Variants in SNTG2 observed in about 807,000 individuals in gnomAD.
SNTG2 encodes syntrophin gamma 2.
Under a neutral mutation model 70.9 loss-of-function variants are expected in SNTG2, and 74 were observed. The observed-to-expected ratio is 1.04, with a 90% CI of 0.86 to 1.27. SNTG2 has a LOEUF of 1.27. Ranked by LOEUF, SNTG2 falls within the 50% of genes most tolerant of loss-of-function variation. The probability of loss-of-function intolerance (pLI) is 0.00; values close to 1 mark genes in which losing one functional copy is unlikely to be tolerated. For missense variants in SNTG2, 717 were observed against 690.7 expected, an observed-to-expected ratio of 1.04 and a Z score of -0.43; for synonymous variants, 278 against 273.8, an observed-to-expected ratio of 1.02 and a Z score of -0.15.
chr2:1,352,113 G>A (rs148614428), intron 16 of SNTG2, among the ~76,000 whole-genome samples: 186 of 152,216 alleles, frequency 1.2e-3, no homozygotes, highest in Non-Finnish European at 2.1e-3. Context: ...CACTACACTC[G>A]TGCCTTGGTT....
intron 9 of SNTG2, among the ~76,000 whole-genome samples, chr2:1,216,286 T>G (rs1225355874): frequency 6.6e-6 from 1 of 152,228 alleles, no homozygotes; most frequent in Non-Finnish European, 1.5e-5. Context: ...GGTTTTGATT[T>G]GCATTTCTCT....
chr2:1,111,415 C>G (rs111457586), intron 4 of SNTG2, among the ~76,000 whole-genome samples: 176 of 152,244 alleles, frequency 1.2e-3, no homozygotes, highest in African/African-American at 4.0e-3. Context: ...TTGCAGGGTC[C>G]CTGCTGTTGA....
intron 8 of SNTG2, among the ~76,000 whole-genome samples, chr2:1,180,299 A>G (rs77646145): frequency 7.3e-6 from 1 of 136,504 alleles, no homozygotes; most frequent in Non-Finnish European, 1.6e-5. Flanking sequence ...AATGGGAGAA[A>G]ATTTTTGCAA....
At chr2:971,761 G>A (rs1660749522) in intron 1 of SNTG2, among the ~76,000 whole-genome samples, 1 of 149,816 alleles carries the variant, frequency 6.7e-6, no homozygotes, top group Non-Finnish European at 1.5e-5. Context: ...GTTGTTAATT[G>A]GAGGTCTTTT....
In SNTG2 at chr2:983,305, G is replaced by A. The variant is rs576021965; in HGVS notation, c.72+32237G>A. 2.6e-5 allele frequency among the ~76,000 whole-genome samples: 3 copies of A among 116,274 alleles called. No homozygotes were observed. In the East Asian group the frequency reaches 6.0e-4, roughly 23 times the overall value. The allele number at this position is 116,274 out of a possible 152,430, so 76.3% of individuals were successfully genotyped here. On this transcript the variant is annotated intron_variant, in intron 1 of 16. Coordinates refer to ENST00000308624, the MANE Select transcript of SNTG2 (RefSeq NM_018968.4). ...GCTCTCTTCCATAGAAGCTGCGGAG[G>A]TGGTGGTCAGGATGAAGAAGCTGCA...
At chr2:1,006,857 C>T (rs1558306750) in intron 1 of SNTG2, among the ~76,000 whole-genome samples, 1 of 151,902 alleles carries the variant, frequency 6.6e-6, no homozygotes. Context: ...GAAACAAACA[C>T]CCTTTCTACT....
chr2:1,069,248 C>T (rs767009319), intron 1 of SNTG2, among the ~76,000 whole-genome samples: 4 of 151,638 alleles, frequency 2.6e-5, no homozygotes, highest in Non-Finnish European at 4.4e-5. Flanking sequence ...TTGTTCTGAG[C>T]TGAACTCAGG....
intron 1 of SNTG2, among the ~76,000 whole-genome samples, chr2:1,022,746 G>A (rs1660262306): frequency 6.6e-6 from 1 of 152,038 alleles, no homozygotes; most frequent in African/African-American, 2.4e-5. Flanking sequence ...TATCAAAATG[G>A]GTCAGTGCTA....
intron 6 of SNTG2, among the ~76,000 whole-genome samples, chr2:1,153,379 T>C (rs1669648665): frequency 1.3e-5 from 2 of 152,246 alleles, no homozygotes; most frequent in Admixed American, 1.3e-4. Context: ...TTACATGATG[T>C]TTATTTTAAA....
At position 1,103,004 on chromosome 2, in the gene SNTG2, G is replaced by A. The variant is rs1572437038; in HGVS notation, c.325+4594G>A. 2.0e-5 allele frequency among the ~76,000 whole-genome samples: 3 copies of A among 152,332 alleles called. No individual in the cohort carries two copies. The Middle Eastern group carries it at 0.01, about 518-fold the overall frequency. On this transcript the variant is annotated intron_variant, in intron 4 of 16. Coordinates refer to ENST00000308624, the MANE Select transcript of SNTG2 (RefSeq NM_018968.4). ...TGTACCGTTGAGGTGCGGCCTGCGT[G>A]CAGGATTCCACACCCTGGAGCCCCC...
At chr2:1,104,997 T>G (rs1666022386) in intron 4 of SNTG2, among the ~76,000 whole-genome samples, 1 of 152,198 alleles carries the variant, frequency 6.6e-6, no homozygotes, top group Admixed American at 6.5e-5. Flanking sequence ...AAGGAAAGCC[T>G]TCATGGTATT....
At chr2:1,179,640 C>A (rs1671725067) in intron 8 of SNTG2, among the ~76,000 whole-genome samples, 1 of 151,838 alleles carries the variant, frequency 6.6e-6, no homozygotes, top group African/African-American at 2.4e-5. Context: ...GACCATACTG[C>A]CCAAGGTAAT....
intron 14 of SNTG2, among the ~76,000 whole-genome samples, chr2:1,285,255 A>T (rs1283549314): frequency 6.6e-6 from 1 of 152,118 alleles, no homozygotes; most frequent in Non-Finnish European, 1.5e-5. Context: ...TTCCCAGCCC[A>T]CTGACTCAAA....
intron 6 of SNTG2, 90 bp downstream of exon 6, chr2:1,137,899 C>G: frequency 8.2e-7 from 1 of 1,213,912 alleles, no homozygotes; most frequent in Non-Finnish European, 1.2e-6. Context: ...TGAGTCTATC[C>G]ATAGATGCAG....
At position 1,079,458 on chromosome 2, in the gene SNTG2, C is replaced by G. The variant is rs1027391417; in HGVS notation, c.73-4060C>G. On this transcript the variant is annotated intron_variant, in intron 1 of 16. Transcript: ENST00000308624. ...ACCTCTAATCTGGTTGTGTTCCTGA[C>G]TTTAGTTTTTTAACATTTTGAGCAG... Among the ~76,000 whole-genome samples the G allele has an allele frequency of 9.2e-5, 13 of 141,906 alleles. 1 individual carries two copies. The highest frequency in any genetic ancestry group is 2.2e-4 in the Admixed American group (3 of 13,912). The allele number at this position is 141,906 out of a possible 152,430, so 93.1% of individuals were successfully genotyped here.
At chr2:1,221,517 G>A (rs1219757555) in intron 9 of SNTG2, among the ~76,000 whole-genome samples, 2 of 4,112 alleles carry the variant, frequency 4.9e-4, no homozygotes, top group Non-Finnish European at 1.0e-3. Flanking sequence ...CTCTCTCTCT[G>A]TCTCTCTCTA....
chr2:1,351,910 C>A (rs1660601687), intron 16 of SNTG2, among the ~76,000 whole-genome samples: 1 of 152,158 alleles, frequency 6.6e-6, no homozygotes, highest in South Asian at 2.1e-4. Flanking sequence ...ACTCTTGCAG[C>A]CCCTCCTGAG....
At chr2:1,147,012 T>A (rs1410547948) in intron 6 of SNTG2, among the ~76,000 whole-genome samples, 1 of 152,230 alleles carries the variant, frequency 6.6e-6, no homozygotes, top group Non-Finnish European at 1.5e-5. Flanking sequence ...CTTTATCATG[T>A]GACATAAGAT....
intron 16 of SNTG2, among the ~76,000 whole-genome samples, chr2:1,359,058 A>C (rs567475062): frequency 1.3e-5 from 2 of 152,202 alleles, no homozygotes; most frequent in South Asian, 4.1e-4. Flanking sequence ...TCATTTTCAG[A>C]CTTTTTTTTG....
Sources: gnomAD v4.1 joint callset for allele counts (sites outside exome capture counted in the v4.1 genomes callset) on GRCh38, gnomAD v4.1.1 for gene constraint, MANE v1.5 for transcripts, NCBI Gene and HGNC (gene_info 2026-07-23, HGNC 2026-07-21) for gene names.